HMGCLL1: variants seen among roughly 807,000 people sequenced by gnomAD.
HMGCLL1 encodes 3-hydroxymethyl-3-methylglutaryl-CoA lyase, cytoplasmic.
Under a neutral mutation model 39.1 loss-of-function variants are expected in HMGCLL1, and 36 were observed. That is an observed-to-expected ratio of 0.92 (90% CI 0.71 to 1.22). The LOEUF (loss-of-function observed/expected upper bound fraction) is 1.22, where lower values mean the gene tolerates loss of function less well. Among genes scored for constraint, HMGCLL1 ranks in the 50% most tolerant of loss-of-function variants. The pLI, the probability that HMGCLL1 is intolerant of heterozygous loss-of-function variation, is 0.00. For synonymous variants in HMGCLL1, 149 were observed against 144.0 expected (o/e 1.03, Z -0.25); for missense variants, 451 against 416.5 (o/e 1.08, Z -0.72).
intron 7 of HMGCLL1, among the ~76,000 whole-genome samples, chr6:55,458,936 T>G (rs1222366652): frequency 6.6e-6 from 1 of 152,176 alleles, no homozygotes; most frequent in East Asian, 1.9e-4. Context: ...TTGGGTCACA[T>G]GTATACTTTC....
chr6:55,531,842 C>T (rs565981848), intron 3 of HMGCLL1, among the ~76,000 whole-genome samples: 1 of 152,134 alleles, frequency 6.6e-6, no homozygotes, highest in Non-Finnish European at 1.5e-5. Context: ...GATGAACTGT[C>T]GCTGTCTTTA....
At chr6:55,672,425 A>G in the HMGCLL1 span, among the ~76,000 whole-genome samples, 3 of 151,792 alleles carry the variant, frequency 2.0e-5, no homozygotes, top group East Asian at 5.8e-4. Context: ...ATGACATCAA[A>G]TCCTTCACCG....
At chr6:55,442,116 G>A (rs552314823) in intron 7 of HMGCLL1, among the ~76,000 whole-genome samples, 2 of 152,164 alleles carry the variant, frequency 1.3e-5, no homozygotes, top group African/African-American at 4.8e-5. Flanking sequence ...AAATTATGAC[G>A]GCTGGTATTA....
chr6:55,588,067 C>A, the HMGCLL1 span, among the ~76,000 whole-genome samples: 2 of 151,968 alleles, frequency 1.3e-5, no homozygotes, highest in Non-Finnish European at 2.9e-5. Flanking sequence ...ATAGACATCT[C>A]CAGAACTCTC....
intron 7 of HMGCLL1, among the ~76,000 whole-genome samples, chr6:55,453,857 C>G (rs538952028): frequency 6.6e-6 from 1 of 152,006 alleles, no homozygotes; most frequent in East Asian, 1.9e-4. Flanking sequence ...GAAAGAAATA[C>G]CATTAACAAA....
At chr6:55,480,160 G>T (rs1765661186) in intron 7 of HMGCLL1, among the ~76,000 whole-genome samples, 1 of 151,448 alleles carries the variant, frequency 6.6e-6, no homozygotes. Context: ...TGCTTAAAAA[G>T]CTTCTGCATA....
At chr6:55,457,108 G>A (rs544547046) in intron 7 of HMGCLL1, among the ~76,000 whole-genome samples, 6 of 152,196 alleles carry the variant, frequency 3.9e-5, no homozygotes, top group African/African-American at 1.4e-4. Context: ...TGTGTCTTCT[G>A]CTTTCTGACT....
chr6:55,437,103 T>C (rs1763402544), intron 8 of HMGCLL1, among the ~76,000 whole-genome samples: 1 of 152,032 alleles, frequency 6.6e-6, no homozygotes, highest in South Asian at 2.1e-4. Context: ...AATTATACAG[T>C]AGAATTTGTT....
At chr6:55,444,924 G>A (rs1763749666) in intron 7 of HMGCLL1, among the ~76,000 whole-genome samples, 1 of 151,948 alleles carries the variant, frequency 6.6e-6, no homozygotes, top group Non-Finnish European at 1.5e-5. Context: ...GAGTAAAAGA[G>A]GACTTGTAAA....
At chr6:55,609,660 G>A in the HMGCLL1 span, among the ~76,000 whole-genome samples, 5 of 152,190 alleles carry the variant, frequency 3.3e-5, no homozygotes, top group African/African-American at 4.8e-5. Flanking sequence ...AGCACAACTC[G>A]TCCACCAAGG....
intron 7 of HMGCLL1, among the ~76,000 whole-genome samples, chr6:55,491,401 A>C (rs1202043360): frequency 6.6e-6 from 1 of 152,204 alleles, no homozygotes; most frequent in Non-Finnish European, 1.5e-5. Flanking sequence ...AAATTAGGTA[A>C]ATAATTTGGT....
intron 7 of HMGCLL1, among the ~76,000 whole-genome samples, chr6:55,457,729 G>T (rs531707079): frequency 2.6e-5 from 4 of 151,166 alleles, no homozygotes; most frequent in African/African-American, 7.3e-5. Flanking sequence ...CTTTCAAGTC[G>T]GCTATATCAA....
chr6:55,580,048 G>A (rs573045308), upstream of HMGCLL1, among the ~76,000 whole-genome samples: 1 of 152,266 alleles, frequency 6.6e-6, no homozygotes, highest in Non-Finnish European at 1.5e-5. Flanking sequence ...GGGTCTTCCG[G>A]AGACCCAGCC....
chr6:55,658,319 T>TA, the HMGCLL1 span, among the ~76,000 whole-genome samples: 11 of 151,962 alleles, frequency 7.2e-5, no homozygotes, highest in Non-Finnish European at 1.5e-4. Context: ...AAATTCTACA[T>TA]AAAATTGTTG....
At chr6:55,570,629 A>C (rs1413573498) in intron 1 of HMGCLL1, among the ~76,000 whole-genome samples, 23 of 152,202 alleles carry the variant, frequency 1.5e-4, no homozygotes, top group Admixed American at 1.5e-3. Flanking sequence ...TCAGCAGTTT[A>C]TTCAATGTCC....
chr6:55,659,127 T>G, the HMGCLL1 span, among the ~76,000 whole-genome samples: 2 of 151,872 alleles, frequency 1.3e-5, no homozygotes, highest in Non-Finnish European at 2.9e-5. Context: ...ATATCGTATA[T>G]GGGTGGATAC....
At chr6:55,572,975 A>G (rs1352636766) in intron 1 of HMGCLL1, among the ~76,000 whole-genome samples, 1 of 152,194 alleles carries the variant, frequency 6.6e-6, no homozygotes, top group East Asian at 1.9e-4. Flanking sequence ...CCAATTCTGT[A>G]TGAGCAACTG....
intron 1 of HMGCLL1, chr6:55,577,190 G>C: frequency 6.4e-7 from 1 of 1,557,842 alleles, no homozygotes; most frequent in South Asian, 1.2e-5. Context: ...AGTTCAAAAA[G>C]CCAAGTGTCA....
intron 4 of HMGCLL1, among the ~76,000 whole-genome samples, chr6:55,515,204 G>T (rs1276649895): frequency 6.7e-6 from 1 of 148,986 alleles, no homozygotes; most frequent in Admixed American, 6.8e-5. Flanking sequence ...AGTGAATCAA[G>T]ATCACGCCAC....
Sources: gnomAD v4.1 joint callset for allele counts (sites outside exome capture counted in the v4.1 genomes callset) on GRCh38, gnomAD v4.1.1 for gene constraint, MANE v1.5 for transcripts, NCBI Gene and HGNC (gene_info 2026-07-23, HGNC 2026-07-21) for gene names.